The following CAMSAP1 variants were observed in gnomAD, a reference collection of about 807,000 sequenced individuals.
CAMSAP1 encodes calmodulin regulated spectrin associated protein 1, also known as calmodulin-regulated spectrin-associated protein 1.
CAMSAP1 carries 58 observed loss-of-function variants against 143.5 expected under a neutral mutation model. That is an observed-to-expected ratio of 0.40 (90% CI 0.33 to 0.50). CAMSAP1 has a LOEUF of 0.50. Ranked by LOEUF, CAMSAP1 falls within the 20% of genes least tolerant of loss-of-function variation. The pLI, the probability that CAMSAP1 is intolerant of heterozygous loss-of-function variation, is 0.45. For synonymous variants in CAMSAP1, 945 were observed against 859.3 expected (o/e 1.10, Z -1.74); for missense variants, 1,969 against 2,115.7 (o/e 0.93, Z 1.36).
At chr9:135,884,816 G>A (rs1270989877) in intron 1 of CAMSAP1, among the ~76,000 whole-genome samples, 3 of 152,154 alleles carry the variant, frequency 2.0e-5, no homozygotes, top group East Asian at 3.9e-4. Context: ...CCCCGCACAC[G>A]CCGGAGTGAG....
At chr9:135,897,761 C>T (rs753772113) in intron 1 of CAMSAP1, among the ~76,000 whole-genome samples, 2 of 152,066 alleles carry the variant, frequency 1.3e-5, no homozygotes, top group Non-Finnish European at 2.9e-5. Flanking sequence ...GGCAAGATGG[C>T]GTAAGACTTC....
At chr9:135,866,340 G>C in intron 4 of CAMSAP1, 116 bp downstream of exon 4, 1 of 641,236 alleles carries the variant, frequency 1.6e-6, no homozygotes, top group Non-Finnish European at 2.8e-6. Flanking sequence ...GAGACTAGCT[G>C]CTTCTTTGGT....
intron 5 of CAMSAP1, among the ~76,000 whole-genome samples, 191 bp downstream of exon 5, chr9:135,862,276 C>T (rs1397478629): frequency 1.3e-5 from 2 of 150,344 alleles, no homozygotes; most frequent in Non-Finnish European, 3.0e-5. Context: ...GTTTTGTCAT[C>T]AGATAAAATG....
chr9:135,823,020 T>G lies in CAMSAP1; in HGVS notation c.1641A>C (p.Arg547Ser), dbSNP rs1388846527. The G allele has an allele frequency of 6.2e-6, 10 of 1,613,810 alleles. No homozygotes were observed. The highest frequency in any genetic ancestry group is 1.3e-5 in the African/African-American group (1 of 74,884). Reference sequence around the variant, plus strand: ...CAGCCTGCTGGGGAACCACGTCTGCTCTAACAATAGCCACAAGCTCCTCTT... The same window carrying G: ...CAGCCTGCTGGGGAACCACGTCTGCGCTAACAATAGCCACAAGCTCCTCTT... ...DEEEELVAIVRADVVPQQADP... is the reference protein window; with the variant it reads ...DEEEELVAIVSADVVPQQADP... The change falls in exon 11 of 17, where the codon AGA (arginine) becomes AGC (serine). Residue 547 changes from arginine (R) to serine (S), a missense_variant. Arg to Ser is a moderately radical substitution (Grantham distance 110). This residue lies in a region of CAMSAP1 where 1,390 missense variants were observed against 1,420.8 expected (regional missense o/e 0.98). Transcript: ENST00000389532.
intron 3 of CAMSAP1, among the ~76,000 whole-genome samples, chr9:135,878,777 C>T (rs1227626663): frequency 6.6e-6 from 1 of 152,122 alleles, no homozygotes; most frequent in Non-Finnish European, 1.5e-5. Context: ...AGCATTCAGC[C>T]GGTATCGCAT....
chr9:135,883,120 G>A (rs1294450578), intron 1 of CAMSAP1, 42 bp from the exon 2 acceptor site: 10 of 1,544,904 alleles, frequency 6.5e-6, no homozygotes, highest in Non-Finnish European at 8.7e-6. Context: ...CCACACACAA[G>A]ACCCAAAGGA....
chr9:135,873,965 C>A (rs186503408), intron 3 of CAMSAP1, among the ~76,000 whole-genome samples: 1 of 152,104 alleles, frequency 6.6e-6, no homozygotes, highest in Non-Finnish European at 1.5e-5. Flanking sequence ...ACACAAAAAT[C>A]ATCAACAATA....
At chr9:135,896,317 G>A (rs748475265) in intron 1 of CAMSAP1, among the ~76,000 whole-genome samples, 11 of 152,058 alleles carry the variant, frequency 7.2e-5, no homozygotes, top group South Asian at 2.1e-4. Flanking sequence ...AATGATAAAA[G>A]GATCAATCTA....
chr9:135,833,939 A>G (rs986080248), intron 7 of CAMSAP1, among the ~76,000 whole-genome samples: 7 of 152,382 alleles, frequency 4.6e-5, no homozygotes, highest in South Asian at 2.1e-4. Flanking sequence ...TCCAAAATAC[A>G]TAAGTAACGC....
Position 135,822,417 on chromosome 9 carries a change from G to C in CAMSAP1, c.2244C>G (p.Ala748=). ...GGGCCTCACCCATGAAATCGTGCTCGGCTTCCTCTATGTCCACCACATCCG... is the reference window on the plus strand; with the variant it reads ...GGGCCTCACCCATGAAATCGTGCTCCGCTTCCTCTATGTCCACCACATCCG... ...SDSDVVDIEE[A]EHDFMGEAHP... The change falls in exon 11 of 17, where the codon GCC becomes GCG. Residue 748 remains alanine (A), a synonymous_variant. Transcript: ENST00000389532. This position sits in a 1 kb window ranked among gnomAD's most constrained non-coding sequence, Gnocchi z 6.1. 1 of 1,613,982 alleles carries C rather than the reference G, an allele frequency of 6.2e-7. No homozygotes were observed. The highest frequency in any genetic ancestry group is 8.5e-7 in the Non-Finnish European group (1 of 1,179,894).
Position 135,818,914 on chromosome 9 carries a change from C to T in CAMSAP1, c.3959+96G>A. The T allele has an allele frequency of 2.0e-6, 3 of 1,519,394 alleles. No homozygotes were observed. The highest frequency in any genetic ancestry group is 2.6e-6 in the Non-Finnish European group (3 of 1,132,302). The allele number at this position is 1,519,394 out of a possible 1,614,324, so 94.1% of individuals were successfully genotyped here. On this transcript the variant is annotated intron_variant, in intron 12 of 16. Transcript: ENST00000389532. The surrounding 1 kb of genome is among the most constrained non-coding windows in gnomAD (Gnocchi z 7.7). The stretch of plus-strand genomic sequence containing the variant: ...GTAAGACCGTCACAGGCACTCATTG[C>T]CATGGTCCATGCTCAGTGCCAGCAA...
chr9:135,906,170 G>A (rs554479719), intron 1 of CAMSAP1, among the ~76,000 whole-genome samples: 3 of 152,262 alleles, frequency 2.0e-5, no homozygotes, highest in Admixed American at 2.0e-4. Context: ...TTTCCAAACT[G>A]GTCAACTGAA....
rs1228219968 is a variant in CAMSAP1 at position 135,836,461 on chromosome 9, G to A, written c.1046-8877C>T. On this transcript the variant is annotated intron_variant, in intron 7 of 16. Coordinates refer to ENST00000389532, the MANE Select transcript of CAMSAP1 (RefSeq NM_015447.4). ...ACTTTCTACCCTGTTCTACAGACAC[G>A]TCACCACACACTTTCTACCCTGTTC... 2.4e-5 allele frequency: 23 copies of A among 973,042 alleles called. No individual in the cohort carries two copies. In the Admixed American group the frequency reaches 2.7e-4, roughly 11 times the overall value. The allele number at this position is 973,042 out of a possible 1,614,324, so 60.3% of individuals were successfully genotyped here.
chr9:135,881,858 G>A, intron 2 of CAMSAP1, 64 bp from the exon 3 acceptor site: 2 of 1,519,764 alleles, frequency 1.3e-6, no homozygotes, highest in Non-Finnish European at 8.9e-7. Flanking sequence ...TCTGATGCAG[G>A]GAACCTGCTC....
rs12236928 is a variant in CAMSAP1 at position 135,843,885 on chromosome 9, A to G, written c.1045+6252T>C. On this transcript the variant is annotated intron_variant, in intron 7 of 16. Transcript: ENST00000389532. ...CAAGACTCCGTCTCAAAAAAAAAAAAAAAAAAAAAAAGAAGCGCTAACTAT... is the reference window on the plus strand; with the variant it reads ...CAAGACTCCGTCTCAAAAAAAAAAAGAAAAAAAAAAAGAAGCGCTAACTAT... 4.9e-4 allele frequency among the ~76,000 whole-genome samples: 75 copies of G among 151,546 alleles called. 2 individuals carry two copies. The East Asian group carries it at 0.014, about 28-fold the overall frequency.
intron 7 of CAMSAP1, among the ~76,000 whole-genome samples, chr9:135,847,117 G>A (rs1415855304): frequency 6.6e-6 from 1 of 152,128 alleles, no homozygotes; most frequent in Middle Eastern, 3.2e-3. Context: ...GGAGGCTGAG[G>A]CGGGTGGATC....
rs780762677 is a variant in CAMSAP1, at chr9:135,817,984, A to C, written c.4264T>G (p.Ser1422Ala). 1 of 1,613,674 alleles carries C rather than the reference A, an allele frequency of 6.2e-7. No homozygotes were observed. Among genetic ancestry groups the C allele is most frequent in the Non-Finnish European group, 8.5e-7 (1 of 1,179,858 alleles). Residue 1422 changes from serine to alanine, a missense_variant, in exon 14 of 17, where the codon TCT becomes GCT. Ser to Ala is a moderately conservative substitution (Grantham distance 99, BLOSUM62 1). Around this residue, in one of 4 missense-constraint regions of CAMSAP1, gnomAD observed 1,390 missense variants for 1,420.8 expected, o/e 0.98. Transcript: ENST00000389532. ...CCGTCTCAGGCCCCTTACCGCTGAG[A>C]GGGTGTGCCCCCGGAATGAACGCTC... Reference protein sequence around the residue: ...PESVHSGGTPSQRVESMEALP... With the variant: ...PESVHSGGTPAQRVESMEALP...
At chr9:135,886,051 A>T (rs985670965) in intron 1 of CAMSAP1, among the ~76,000 whole-genome samples, 11 of 140,490 alleles carry the variant, frequency 7.8e-5, no homozygotes, top group Non-Finnish European at 1.6e-4. Flanking sequence ...TATCAAAATC[A>T]ATACCTACTT....
At chr9:135,899,244 A>G (rs115302329) in intron 1 of CAMSAP1, among the ~76,000 whole-genome samples, 3 of 152,018 alleles carry the variant, frequency 2.0e-5, no homozygotes, top group African/African-American at 7.3e-5. Context: ...CTCTTAAAAC[A>G]TGTGTGCTTT....
Sources: allele counts gnomAD v4.1 joint callset (sites outside exome capture counted in the v4.1 genomes callset), GRCh38; gene constraint gnomAD v4.1.1; regional missense constraint gnomAD v4.1.1; non-coding constraint Gnocchi (gnomAD v3.1); transcripts MANE v1.5; gene names NCBI Gene and HGNC (gene_info 2026-07-23, HGNC 2026-07-21).